Variants in WWOX observed in about 807,000 individuals in gnomAD.
WWOX encodes WW domain-containing oxidoreductase.
WWOX carries 69 observed loss-of-function variants against 46.2 expected under a neutral mutation model. The ratio of observed to expected loss-of-function variants is 1.49; its 90% CI spans 1.23 to 1.82. The LOEUF (loss-of-function observed/expected upper bound fraction) is 1.82, where lower values mean the gene tolerates loss of function less well. Ranked by LOEUF, WWOX falls within the 40% of genes most tolerant of loss-of-function variation. The pLI is 0.00. For synonymous variants in WWOX, 359 were observed against 202.6 expected (o/e 1.77, Z -6.56); for missense variants, 919 against 542.6 (o/e 1.69, Z -6.89).
chr16:78,745,426 A>G (rs775899951), intron 8 of WWOX, among the ~76,000 whole-genome samples: 5 of 147,158 alleles, frequency 3.4e-5, no homozygotes, highest in Non-Finnish European at 7.4e-5. Context: ...CATGCCTGTT[A>G]TTCTTTTCTC....
At chr16:78,471,017 T>A (rs1186189765) in intron 8 of WWOX, among the ~76,000 whole-genome samples, 1 of 152,226 alleles carries the variant, frequency 6.6e-6, no homozygotes, top group African/African-American at 2.4e-5. Flanking sequence ...CCTTTTGCTT[T>A]CTATAAAATG....
chr16:78,920,975 A>G (rs956389581), intron 8 of WWOX, among the ~76,000 whole-genome samples: 1 of 152,188 alleles, frequency 6.6e-6, no homozygotes, highest in Non-Finnish European at 1.5e-5. Context: ...ACCAGCAGCA[A>G]GGTAGGACAA....
intron 8 of WWOX, among the ~76,000 whole-genome samples, chr16:79,145,021 G>A (rs970746746): frequency 9.2e-5 from 14 of 152,216 alleles, no homozygotes; most frequent in African/African-American, 2.9e-4. Context: ...GTGCAGAAGC[G>A]GAGGCTACTG....
intron 8 of WWOX, among the ~76,000 whole-genome samples, chr16:79,190,005 A>G (rs2051101573): frequency 6.6e-6 from 1 of 151,928 alleles, no homozygotes; most frequent in Non-Finnish European, 1.5e-5. Context: ...TCCCATGGAA[A>G]TGTTTTCATA....
At chr16:78,658,762 C>T (rs2047138718) in intron 8 of WWOX, among the ~76,000 whole-genome samples, 2 of 152,136 alleles carry the variant, frequency 1.3e-5, no homozygotes, top group South Asian at 4.1e-4. Context: ...TTTACCTTAA[C>T]AAGTTGCATC....
chr16:78,587,067 C>T (rs1280276426), intron 8 of WWOX, among the ~76,000 whole-genome samples: 3 of 152,080 alleles, frequency 2.0e-5, no homozygotes, highest in Non-Finnish European at 4.4e-5. Context: ...ACCCTGTTGC[C>T]CAGGCTGGAG....
chr16:78,680,361 TA>T (rs2047700453), intron 8 of WWOX, among the ~76,000 whole-genome samples: 1 of 151,884 alleles, frequency 6.6e-6, no homozygotes, highest in Non-Finnish European at 1.5e-5. Flanking sequence ...CTGAACGACG[TA>T]AAAAGACCTA....
chr16:78,652,344 G>A (rs1463089968), intron 8 of WWOX, among the ~76,000 whole-genome samples: 4 of 151,022 alleles, frequency 2.6e-5, no homozygotes, highest in Admixed American at 6.6e-5. Flanking sequence ...GGGAGGTGGA[G>A]GTTGCAGCGA....
chr16:78,512,457 G>T (rs1662661749), intron 8 of WWOX, among the ~76,000 whole-genome samples: 1 of 152,124 alleles, frequency 6.6e-6, no homozygotes, highest in Non-Finnish European at 1.5e-5. Context: ...AATTAAACGT[G>T]TTCACCAAAA....
chr16:78,747,409 C>T (rs528122617), intron 8 of WWOX, among the ~76,000 whole-genome samples: 143 of 152,188 alleles, frequency 9.4e-4, no homozygotes, highest in Admixed American at 8.3e-3. Flanking sequence ...GAGGCCTACC[C>T]TGACCATCCT....
At chr16:78,699,385 A>C (rs983742647) in intron 8 of WWOX, among the ~76,000 whole-genome samples, 4 of 151,900 alleles carry the variant, frequency 2.6e-5, no homozygotes, top group Admixed American at 2.0e-4. Flanking sequence ...AAAAAAAAAA[A>C]AAAATTAGCC....
chr16:78,996,251 G>T, intron 8 of WWOX: 3 of 985,104 alleles, frequency 3.0e-6, no homozygotes, highest in Non-Finnish European at 3.6e-6. Context: ...AAAGGGCAGA[G>T]CTGAGCCAGA....
At chr16:78,528,593 T>C (rs1019768930) in intron 8 of WWOX, among the ~76,000 whole-genome samples, 4 of 152,218 alleles carry the variant, frequency 2.6e-5, no homozygotes, top group Admixed American at 6.5e-5. Context: ...GTCATCGTTA[T>C]AATAAACACA....
At chr16:78,799,970 T>C (rs2050843370) in intron 8 of WWOX, among the ~76,000 whole-genome samples, 3 of 152,238 alleles carry the variant, frequency 2.0e-5, no homozygotes, top group African/African-American at 4.8e-5. Flanking sequence ...GCGTCTGGCA[T>C]TGCAGGTCTG....
intron 5 of WWOX, among the ~76,000 whole-genome samples, chr16:78,173,455 ATTTTTTTT>A (rs35394224): frequency 1.5e-5 from 2 of 135,854 alleles, no homozygotes; most frequent in South Asian, 2.5e-4. Flanking sequence ...CACCTGGCTA[ATTTTTTTT>A]TTTTTTTTTT....
Position 78,442,048 on chromosome 16 carries a change from G to T in WWOX, c.1056+9296G>T, listed in dbSNP as rs1254132964. On this transcript the variant is annotated intron_variant, in intron 8 of 8. Coordinates refer to ENST00000566780, the MANE Select transcript of WWOX (RefSeq NM_016373.4). Reference sequence around the variant, plus strand: ...ACAGTTGAGGAGGCCAAGCTGGGAGGATGACTTGAGCCTGGGAGTTGGAGG... The same window carrying T: ...ACAGTTGAGGAGGCCAAGCTGGGAGTATGACTTGAGCCTGGGAGTTGGAGG... Among the ~76,000 whole-genome samples, 5 of 151,628 alleles carry T rather than the reference G, an allele frequency of 3.3e-5. No individual in the cohort carries two copies. The East Asian group carries it at 7.8e-4, about 24-fold the overall frequency.
rs74540954 is a variant in WWOX, at chr16:78,200,792, A to G, written c.516+36503A>G. 1.2e-3 allele frequency among the ~76,000 whole-genome samples: 181 copies of G among 152,212 alleles called. 1 individual carries two copies. The highest frequency in any genetic ancestry group is 9.5e-3 in the East Asian group (49 of 5,146). ...TTATATGTGCTGGACCCTGGGTGGA[A>G]GCACTTTGCACGTGTGCATTCACGA... On this transcript the variant is annotated intron_variant, in intron 5 of 8. Coordinates refer to ENST00000566780, the MANE Select transcript of WWOX (RefSeq NM_016373.4).
At position 78,997,557 on chromosome 16, in the gene WWOX, T is replaced by G. The variant is rs186144166; in HGVS notation, c.1057-214051T>G. Among the ~76,000 whole-genome samples, 10 of 152,290 alleles carry G rather than the reference T, an allele frequency of 6.6e-5. No individual in the cohort carries two copies. In the East Asian group the frequency reaches 1.9e-3, roughly 29 times the overall value. ...TCTGGCTTTCACCTAAACAATAGCA[T>G]GTATATACAACAGTACCTATAAAAT... On this transcript the variant is annotated intron_variant, in intron 8 of 8. Transcript: ENST00000566780.
intron 5 of WWOX, among the ~76,000 whole-genome samples, chr16:78,308,025 G>A (rs11640087): frequency 2.6e-5 from 4 of 152,086 alleles, no homozygotes; most frequent in African/African-American, 7.2e-5. Context: ...TGAATCTGCA[G>A]TAGTTGAGTT....
Sources: allele counts gnomAD v4.1 joint callset (sites outside exome capture counted in the v4.1 genomes callset), GRCh38; gene constraint gnomAD v4.1.1; transcripts MANE v1.5; gene names NCBI Gene and HGNC (gene_info 2026-07-23, HGNC 2026-07-21).